Variants in DENND1A observed in about 807,000 individuals in gnomAD.
DENND1A encodes the protein DENN domain containing 1A.
Under a neutral mutation model 113.7 loss-of-function variants are expected in DENND1A, and 51 were observed. The ratio of observed to expected loss-of-function variants is 0.45; its 90% CI spans 0.36 to 0.57. DENND1A has a LOEUF of 0.57. Among genes scored for constraint, DENND1A ranks in the 20% least tolerant of loss-of-function variants. The probability of loss-of-function intolerance (pLI) is 0.00; values close to 1 mark genes in which losing one functional copy is unlikely to be tolerated. For missense variants in DENND1A, 1,258 were observed against 1,395.9 expected (o/e 0.90, Z 1.57); for synonymous variants, 565 against 570.8 (o/e 0.99, Z 0.14).
At chr9:123,857,317 A>C (rs1432350701) in intron 2 of DENND1A, among the ~76,000 whole-genome samples, 2 of 152,256 alleles carry the variant, frequency 1.3e-5, no homozygotes, top group Non-Finnish European at 2.9e-5. Flanking sequence ...GAACAAATTG[A>C]ATAATTCAAT....
intron 11 of DENND1A, among the ~76,000 whole-genome samples, chr9:123,587,600 G>A (rs2059241995): frequency 6.6e-6 from 1 of 152,122 alleles, no homozygotes; most frequent in Non-Finnish European, 1.5e-5. Context: ...CTCTCCACAA[G>A]GGTCGTATTC....
At chr9:123,677,227 A>G (rs955813641) in intron 5 of DENND1A, among the ~76,000 whole-genome samples, 1 of 152,244 alleles carries the variant, frequency 6.6e-6, no homozygotes, top group Admixed American at 6.5e-5. Flanking sequence ...AAAGGGTCCC[A>G]ATGCCCCCAT....
intron 5 of DENND1A, among the ~76,000 whole-genome samples, chr9:123,744,379 T>G (rs2069290915): frequency 6.6e-6 from 1 of 152,304 alleles, no homozygotes; most frequent in East Asian, 1.9e-4. Flanking sequence ...AATTTAACTA[T>G]CCTCTATTTC....
intron 5 of DENND1A, among the ~76,000 whole-genome samples, chr9:123,703,836 C>A (rs2066021220): frequency 6.6e-6 from 1 of 152,028 alleles, no homozygotes; most frequent in Non-Finnish European, 1.5e-5. Context: ...AAAAGGGGCA[C>A]AGAGAACTTT....
intron 4 of DENND1A, among the ~76,000 whole-genome samples, chr9:123,758,833 G>A (rs903030599): frequency 2.6e-5 from 4 of 151,988 alleles, no homozygotes; most frequent in East Asian, 1.9e-4. Context: ...ATGTAGTCTC[G>A]CTCTGTTGCC....
intron 1 of DENND1A, among the ~76,000 whole-genome samples, chr9:123,882,528 G>T (rs982476043): frequency 6.6e-6 from 1 of 151,988 alleles, no homozygotes; most frequent in Admixed American, 6.6e-5. Flanking sequence ...AATACATCCA[G>T]AATCTCAACG....
Position 123,764,689 on chromosome 9 carries a change from A to T in DENND1A, c.182+4825T>A, listed in dbSNP as rs1208043323. 6.6e-6 allele frequency among the ~76,000 whole-genome samples: 1 copy of T among 152,244 alleles called. No individual in the cohort carries two copies. Among genetic ancestry groups the T allele is most frequent in the Non-Finnish European group, 1.5e-5 (1 of 68,030 alleles). ...TCTACATGAGCCTGACAAAGTCAAC[A>T]TGAAGCATAACTGCAGAATTTAAAA... On this transcript the variant is annotated intron_variant, in intron 4 of 23. Transcript: ENST00000394215. This position sits in a 1 kb window ranked among gnomAD's most constrained non-coding sequence, Gnocchi z 4.1.
At chr9:123,885,840 C>CA (rs1365636792) in intron 1 of DENND1A, among the ~76,000 whole-genome samples, 5 of 151,986 alleles carry the variant, frequency 3.3e-5, no homozygotes, top group Admixed American at 1.3e-4. Context: ...AGTGCAGTGG[C>CA]ATGATCTCAG....
intron 19 of DENND1A, among the ~76,000 whole-genome samples, chr9:123,419,877 G>A (rs752188457): frequency 2.6e-5 from 4 of 152,140 alleles, no homozygotes; most frequent in East Asian, 1.9e-4. Context: ...TGCTGCTTGC[G>A]GGGGAGGATC....
intron 13 of DENND1A, among the ~76,000 whole-genome samples, chr9:123,484,091 T>G (rs1454945077): frequency 6.6e-6 from 1 of 152,216 alleles, no homozygotes; most frequent in Non-Finnish European, 1.5e-5. Context: ...CTCTGGTGTT[T>G]TAGAAACCTG....
chr9:123,719,905 T>A (rs879495576), intron 5 of DENND1A, among the ~76,000 whole-genome samples: 3 of 152,150 alleles, frequency 2.0e-5, no homozygotes, highest in Non-Finnish European at 4.4e-5. Flanking sequence ...CTAGAACATT[T>A]CGGATTTTGA....
intron 2 of DENND1A, among the ~76,000 whole-genome samples, chr9:123,818,719 G>A (rs1470267620): frequency 6.6e-6 from 1 of 152,058 alleles, no homozygotes; most frequent in Admixed American, 6.5e-5. Flanking sequence ...TTTGTGTTAA[G>A]TACTCATGTG....
chr9:123,480,304 C>T (rs2050231403), intron 13 of DENND1A, among the ~76,000 whole-genome samples: 1 of 152,184 alleles, frequency 6.6e-6, no homozygotes, highest in Non-Finnish European at 1.5e-5. Context: ...CACGCCACAC[C>T]TGCGGAAGCC....
intron 13 of DENND1A, among the ~76,000 whole-genome samples, chr9:123,458,998 A>G (rs557780235): frequency 6.6e-6 from 1 of 152,188 alleles, no homozygotes; most frequent in African/African-American, 2.4e-5. Flanking sequence ...AACAAAACAA[A>G]AAAACAAAAA....
intron 12 of DENND1A, among the ~76,000 whole-genome samples, chr9:123,573,948 TATC>T (rs1413046972): frequency 6.6e-6 from 1 of 152,110 alleles, no homozygotes; most frequent in Admixed American, 6.5e-5. Flanking sequence ...TAGGAGTTCT[TATC>T]ATGAATATTG....
chr9:123,835,464 G>T (rs1372523764), intron 2 of DENND1A, among the ~76,000 whole-genome samples: 1 of 151,952 alleles, frequency 6.6e-6, no homozygotes, highest in Non-Finnish European at 1.5e-5. Context: ...AGTAATGAAG[G>T]TAGTTTTATA....
At chr9:123,701,907 G>T (rs997253035) in intron 5 of DENND1A, among the ~76,000 whole-genome samples, 1 of 152,206 alleles carries the variant, frequency 6.6e-6, no homozygotes, top group African/African-American at 2.4e-5. Flanking sequence ...GAAGGTCAAT[G>T]CATGACTACA....
intron 1 of DENND1A, among the ~76,000 whole-genome samples, chr9:123,912,666 C>T (rs1174450548): frequency 6.6e-6 from 1 of 152,100 alleles, no homozygotes; most frequent in African/African-American, 2.4e-5. Context: ...CTGGGGATTG[C>T]ATCATCCCCC....
intron 2 of DENND1A, among the ~76,000 whole-genome samples, chr9:123,830,873 G>GAAAAAAAAAAAAAAAAAAAAAAAAAA (rs71390447): frequency 2.5e-5 from 1 of 39,310 alleles, no homozygotes; most frequent in Admixed American, 4.7e-4. Flanking sequence ...TCTCAAAAAT[G>GAAAAAAAAAAAAAAAAAAAAAAAAAA]AAAAAAAAAA....
Sources: gnomAD v4.1 joint callset for allele counts (sites outside exome capture counted in the v4.1 genomes callset) on GRCh38, gnomAD v4.1.1 for gene constraint, Gnocchi (gnomAD v3.1) non-coding constraint, MANE v1.5 for transcripts, NCBI Gene and HGNC (gene_info 2026-07-23, HGNC 2026-07-21) for gene names.